BMP2K: variants seen among roughly 807,000 people sequenced by gnomAD.
BMP2K encodes BMP-2-inducible protein kinase.
BMP2K carries 74 observed loss-of-function variants against 116.0 expected under a neutral mutation model. The observed-to-expected ratio is 0.64, with a 90% CI of 0.53 to 0.77. The LOEUF is 0.77. Ranked by LOEUF, BMP2K falls within the 30% of genes least tolerant of loss-of-function variation. The pLI, the probability that BMP2K is intolerant of heterozygous loss-of-function variation, is 0.00. For synonymous variants in BMP2K, 486 were observed against 502.5 expected, an observed-to-expected ratio of 0.97 and a Z score of 0.44; for missense variants, 1,365 against 1,403.6, an observed-to-expected ratio of 0.97 and a Z score of 0.44.
At chr4:78,777,400 G>A (rs1727298672) in intron 1 of BMP2K, among the ~76,000 whole-genome samples, 1 of 152,172 alleles carries the variant, frequency 6.6e-6, no homozygotes, top group Non-Finnish European at 1.5e-5. Flanking sequence ...TATAAAAGCA[G>A]GTTAACTTTC....
chr4:78,814,130 G>T (rs1329241279), intron 1 of BMP2K, among the ~76,000 whole-genome samples: 4 of 152,178 alleles, frequency 2.6e-5, no homozygotes, highest in Admixed American at 2.6e-4. Flanking sequence ...TGAAGGTAGG[G>T]AAATGTTCCT....
At chr4:78,786,890 T>A (rs1051069882) in intron 1 of BMP2K, among the ~76,000 whole-genome samples, 1 of 152,204 alleles carries the variant, frequency 6.6e-6, no homozygotes, top group African/African-American at 2.4e-5. Context: ...AAGGCTTATC[T>A]TGTATTCATT....
chr4:78,871,897 A>ATATTTTGTTGAT lies in BMP2K; in HGVS notation c.1557_1558insTATTTTGTTGAT (p.Leu519_Met520insTyrPheValAsp). Reference sequence around the variant, plus strand: ...AACAGATGCTTCAACAACAATTTTTAATGCATTCGGTATATCAACCACAAC... The same window carrying ATATTTTGTTGAT: ...AACAGATGCTTCAACAACAATTTTTATATTTTGTTGATATGCATTCGGTATATCAACCACAAC... On this transcript the variant is annotated inframe_insertion, in exon 12 of 16. Coordinates refer to ENST00000502613, the MANE Select transcript of BMP2K (RefSeq NM_198892.2). The ATATTTTGTTGAT allele has an allele frequency of 1.2e-6, 2 of 1,613,168 alleles. No individual in the cohort carries two copies. Among genetic ancestry groups the ATATTTTGTTGAT allele is most frequent in the South Asian group, 2.2e-5 (2 of 90,940 alleles).
chr4:78,869,936 A>G (rs1732249973), intron 10 of BMP2K, among the ~76,000 whole-genome samples: 1 of 152,146 alleles, frequency 6.6e-6, no homozygotes, highest in Non-Finnish European at 1.5e-5. Context: ...AACATTGATG[A>G]AAAAAGAACC....
chr4:78,854,888 C>G (rs540501064), intron 7 of BMP2K, among the ~76,000 whole-genome samples: 1 of 152,060 alleles, frequency 6.6e-6, no homozygotes, highest in Admixed American at 6.6e-5. Context: ...CTTGTTTCCT[C>G]TATAACCTCA....
intron 13 of BMP2K, among the ~76,000 whole-genome samples, chr4:78,876,072 C>A (rs892230487): frequency 3.3e-5 from 5 of 152,130 alleles, no homozygotes; most frequent in African/African-American, 1.2e-4. Flanking sequence ...TTTTTAATAC[C>A]TGTTTAAACT....
chr4:78,872,968 C>T (rs753045674), intron 13 of BMP2K, among the ~76,000 whole-genome samples, 170 bp downstream of exon 13: 37 of 152,184 alleles, frequency 2.4e-4, no homozygotes, highest in Admixed American at 9.2e-4. Context: ...CCCATCCTTC[C>T]GTTTCCTCAG....
In BMP2K at chr4:78,911,884, CA is replaced by C. The variant is rs1173336107; in HGVS notation, c.3338del (p.His1113LeufsTer6). ...ACAAAATTCACTACATGGGTCATTC[CA>C]TAGTGCAGATGTATTGAAAATGGAT... Reference protein sequence around the residue: ...PRQNSLHGSFHSADVLKMDDF... With the variant: ...PRQNSLHGSFXSADVLKMDDF... On this transcript the variant is annotated frameshift_variant, in exon 16 of 16. Transcript: ENST00000502613. LOFTEE classifies it high-confidence loss of function. 6.2e-7 allele frequency: 1 copy of C among 1,613,938 alleles called. No homozygotes were observed. The highest frequency in any genetic ancestry group is 1.7e-5 in the Admixed American group (1 of 60,002).
At chr4:78,892,929 G>GA (rs895387370) in intron 15 of BMP2K, among the ~76,000 whole-genome samples, 6 of 152,160 alleles carry the variant, frequency 3.9e-5, no homozygotes, top group Non-Finnish European at 7.3e-5. Context: ...TGATGGATTA[G>GA]GGTGTTGGTT....
Position 78,841,487 on chromosome 4 carries a change from A to G in BMP2K, c.404-898A>G, listed in dbSNP as rs116839405. 8.0e-3 allele frequency among the ~76,000 whole-genome samples: 1,216 copies of G among 152,268 alleles called. 14 individuals are homozygous for G. The highest frequency in any genetic ancestry group is 0.028 in the African/African-American group (1,168 of 41,566). ...ATGTGTGGCAATTTGATTTTAGTCA[A>G]TTATTTTGGTCCATTATCTGTTATC... On this transcript the variant is annotated intron_variant, in intron 3 of 15. Coordinates refer to ENST00000502613, the MANE Select transcript of BMP2K (RefSeq NM_198892.2).
chr4:78,875,528 G>T (rs927357174), intron 13 of BMP2K, among the ~76,000 whole-genome samples: 1 of 152,044 alleles, frequency 6.6e-6, no homozygotes, highest in African/African-American at 2.4e-5. Context: ...TGATATAATT[G>T]CCCTGTTATA....
At chr4:78,839,250 T>C (rs1464071449) in intron 3 of BMP2K, among the ~76,000 whole-genome samples, 1 of 152,188 alleles carries the variant, frequency 6.6e-6, no homozygotes, top group Non-Finnish European at 1.5e-5. Flanking sequence ...GCTTCACGTG[T>C]CCGTCATCCT....
intron 4 of BMP2K, among the ~76,000 whole-genome samples, chr4:78,843,588 A>C (rs1349131405): frequency 6.6e-6 from 1 of 151,956 alleles, no homozygotes. Flanking sequence ...ATAAAAGAGA[A>C]AATGTCACTA....
In BMP2K at chr4:78,816,015, G is replaced by A. The variant is rs548909197; in HGVS notation, c.179-10022G>A. Among the ~76,000 whole-genome samples the A allele has an allele frequency of 2.1e-4, 32 of 152,256 alleles. No homozygotes were observed. The South Asian group carries it at 6.2e-3, about 30-fold the overall frequency. On this transcript the variant is annotated intron_variant, in intron 1 of 15. Transcript: ENST00000502613. Reference sequence around the variant, plus strand: ...AAACTGGAATTCAGTCAAGGATTACGTATTGCATAGAATGACCCTCACTCG... The same window carrying A: ...AAACTGGAATTCAGTCAAGGATTACATATTGCATAGAATGACCCTCACTCG...
intron 1 of BMP2K, among the ~76,000 whole-genome samples, chr4:78,788,279 G>A (rs1349620224): frequency 6.6e-6 from 1 of 151,948 alleles, no homozygotes; most frequent in Non-Finnish European, 1.5e-5. Context: ...GGGTATATGT[G>A]CTCAGATGTG....
chr4:78,877,931 G>A (rs190212238), intron 13 of BMP2K, among the ~76,000 whole-genome samples: 38 of 152,178 alleles, frequency 2.5e-4, no homozygotes, highest in Admixed American at 1.6e-3. Flanking sequence ...TGAGTGAAAG[G>A]TCATTATGTG....
chr4:78,795,394 C>A lies in BMP2K; in HGVS notation c.178+18673C>A, dbSNP rs537229935. ...CATTGGGTGAAGGGAACATTGAAGGCGATCTGAGAAAGCAGATGATGGGTT... is the reference window on the plus strand; with the variant it reads ...CATTGGGTGAAGGGAACATTGAAGGAGATCTGAGAAAGCAGATGATGGGTT... On this transcript the variant is annotated intron_variant, in intron 1 of 15. Transcript: ENST00000502613. Among the ~76,000 whole-genome samples, 108 of 152,132 alleles carry A rather than the reference C, an allele frequency of 7.1e-4. No individual in the cohort carries two copies. In the Middle Eastern group the frequency reaches 0.017, roughly 24 times the overall value.
intron 2 of BMP2K, among the ~76,000 whole-genome samples, chr4:78,829,810 CTCT>C (rs1730111556): frequency 1.4e-5 from 2 of 139,532 alleles, no homozygotes; most frequent in African/African-American, 5.9e-5. Context: ...CTCTTCTCTT[CTCT>C]TCTCTTCTCT....
chr4:78,905,196 T>C (rs527307153), intron 15 of BMP2K, among the ~76,000 whole-genome samples: 1 of 152,048 alleles, frequency 6.6e-6, no homozygotes, highest in East Asian at 1.9e-4. Context: ...TGGTTGATCA[T>C]ATAGATTTTT....
Sources: gnomAD v4.1 joint callset for allele counts (sites outside exome capture counted in the v4.1 genomes callset) on GRCh38, gnomAD v4.1.1 for gene constraint, MANE v1.5 for transcripts, NCBI Gene and HGNC (gene_info 2026-07-23, HGNC 2026-07-21) for gene names.